The following JAZF1 variants were observed in gnomAD, a reference collection of about 807,000 sequenced individuals.
JAZF1 encodes the protein juxtaposed with another zinc finger protein 1.
JAZF1 carries 8 observed loss-of-function variants against 26.4 expected under a neutral mutation model. That is an observed-to-expected ratio of 0.30 (90% CI 0.18 to 0.55). The LOEUF (loss-of-function observed/expected upper bound fraction) is 0.55. Ranked by LOEUF, JAZF1 falls within the 20% of genes least tolerant of loss-of-function variation. JAZF1 has a pLI of 0.94. For missense variants in JAZF1, 199 were observed against 322.0 expected, an observed-to-expected ratio of 0.62 and a Z score of 2.92; for synonymous variants, 126 against 122.3, an observed-to-expected ratio of 1.03 and a Z score of -0.20.
intron 2 of JAZF1, among the ~76,000 whole-genome samples, chr7:27,958,023 G>C (rs1035610999): frequency 6.6e-6 from 1 of 152,292 alleles, no homozygotes; most frequent in Middle Eastern, 3.4e-3. Context: ...GATCAGGAGA[G>C]AGAACTGGAA....
chr7:28,061,564 G>A lies in JAZF1; in HGVS notation c.116-69583C>T, dbSNP rs76148322. On this transcript the variant is annotated intron_variant, in intron 1 of 4. Coordinates refer to ENST00000283928, the MANE Select transcript of JAZF1 (RefSeq NM_175061.4). ...AATAATTTTAATGATGCCTAATGGA[G>A]GGATTCAGCTGTTGCCATCAAGTGT... Among the ~76,000 whole-genome samples, 1,298 of 152,302 alleles carry A rather than the reference G, an allele frequency of 8.5e-3. 16 individuals carry two copies. Among genetic ancestry groups the A allele is most frequent in the African/African-American group, 0.03 (1,242 of 41,564 alleles).
At chr7:27,987,041 A>G (rs917636703) in intron 2 of JAZF1, among the ~76,000 whole-genome samples, 1 of 152,024 alleles carries the variant, frequency 6.6e-6, no homozygotes, top group African/African-American at 2.4e-5. Context: ...TTGGCCTCCC[A>G]AAGTGCTGAG....
At chr7:28,000,142 T>C (rs957386661) in intron 1 of JAZF1, among the ~76,000 whole-genome samples, 4 of 151,944 alleles carry the variant, frequency 2.6e-5, no homozygotes, top group Non-Finnish European at 5.9e-5. Flanking sequence ...AGTTGCAGTA[T>C]TAGTATTAGT....
intron 1 of JAZF1, among the ~76,000 whole-genome samples, chr7:28,047,327 T>C (rs1783512994): frequency 6.6e-6 from 1 of 152,096 alleles, no homozygotes; most frequent in South Asian, 2.1e-4. Context: ...GCTTACTTAT[T>C]CTCCTGTATG....
intron 1 of JAZF1, among the ~76,000 whole-genome samples, chr7:28,155,943 G>A (rs1583589626): frequency 6.6e-6 from 1 of 152,314 alleles, no homozygotes; most frequent in East Asian, 1.9e-4. Flanking sequence ...GTACCTACCT[G>A]ATAAGGTGTC....
intron 3 of JAZF1, among the ~76,000 whole-genome samples, chr7:27,854,481 T>C (rs1783208374): frequency 6.6e-6 from 1 of 152,246 alleles, no homozygotes; most frequent in Admixed American, 6.5e-5. Flanking sequence ...CTTTACAATT[T>C]GGTATTTTTT....
chr7:28,020,417 G>T (rs1290321427), intron 1 of JAZF1: 4 of 368,060 alleles, frequency 1.1e-5, no homozygotes, highest in African/African-American at 2.1e-5. Context: ...GGGTAACACT[G>T]CTGCAGAAGG....
In JAZF1 at chr7:27,832,700, T is replaced by C. The variant is rs1782729221; in HGVS notation, c.*100A>G. On this transcript the variant is annotated 3_prime_UTR_variant, in exon 5 of 5. Coordinates refer to ENST00000283928, the MANE Select transcript of JAZF1 (RefSeq NM_175061.4). ...TTTAAAGCATGCATTTAATTCTTTT[T>C]CTTTAAAGGGTTGCTGAATGCTTCC... The C allele has an allele frequency of 1.0e-6, 1 of 982,496 alleles. No individual in the cohort carries two copies. Among genetic ancestry groups the C allele is most frequent in the Non-Finnish European group, 1.5e-6 (1 of 683,176 alleles). The allele number at this position is 982,496 out of a possible 1,614,324, so 60.9% of individuals were successfully genotyped here.
At chr7:28,109,400 A>G (rs1038899271) in intron 1 of JAZF1, among the ~76,000 whole-genome samples, 1 of 152,228 alleles carries the variant, frequency 6.6e-6, no homozygotes, top group Non-Finnish European at 1.5e-5. Flanking sequence ...TAAAAAAATA[A>G]TAATTTAAAA....
At chr7:28,142,869 C>G (rs1314134852) in intron 1 of JAZF1, among the ~76,000 whole-genome samples, 3 of 152,214 alleles carry the variant, frequency 2.0e-5, no homozygotes, top group Admixed American at 1.3e-4. Context: ...ACAACGTGCA[C>G]AACCACACCA....
intron 2 of JAZF1, among the ~76,000 whole-genome samples, chr7:27,923,467 C>G (rs1382629420): frequency 6.6e-6 from 1 of 152,222 alleles, no homozygotes; most frequent in Non-Finnish European, 1.5e-5. Flanking sequence ...AGACATTATT[C>G]TATCAGGCCT....
chr7:28,118,480 G>C lies in JAZF1; in HGVS notation c.115+61983C>G, dbSNP rs560123772. ...CAGTGGGCCAAGATTGCACCAGGGT[G>C]ACAAAGTGAGACTCTGTCTCAAAAG... On this transcript the variant is annotated intron_variant, in intron 1 of 4. Transcript: ENST00000283928. Among the ~76,000 whole-genome samples, 6 of 152,098 alleles carry C rather than the reference G, an allele frequency of 3.9e-5. No individual in the cohort carries two copies. In the East Asian group the frequency reaches 1.2e-3, roughly 29 times the overall value.
chr7:27,845,037 T>C (rs940184369), intron 3 of JAZF1, among the ~76,000 whole-genome samples: 2 of 152,266 alleles, frequency 1.3e-5, no homozygotes, highest in East Asian at 3.8e-4. Context: ...AATGAAATGA[T>C]GTTCTTGTTC....
At chr7:27,982,802 C>G (rs1785613681) in intron 2 of JAZF1, among the ~76,000 whole-genome samples, 1 of 152,146 alleles carries the variant, frequency 6.6e-6, no homozygotes, top group South Asian at 2.1e-4. Context: ...TGTTCTGCAG[C>G]CTCCGCTGGT....
intron 1 of JAZF1, among the ~76,000 whole-genome samples, chr7:28,177,025 T>A (rs1038181350): frequency 5.3e-5 from 8 of 152,136 alleles, no homozygotes; most frequent in Non-Finnish European, 8.8e-5. Context: ...TTTTCCCATC[T>A]CCATGTAACA....
At chr7:27,897,792 AAC>A (rs546167564) in intron 2 of JAZF1, among the ~76,000 whole-genome samples, 228 of 152,274 alleles carry the variant, frequency 1.5e-3, no homozygotes, top group Non-Finnish European at 2.7e-3. Flanking sequence ...TCTGCACCTG[AAC>A]AGACTCCCAC....
chr7:28,065,086 C>G (rs1468220178), intron 1 of JAZF1, among the ~76,000 whole-genome samples: 3 of 152,104 alleles, frequency 2.0e-5, no homozygotes, highest in Non-Finnish European at 4.4e-5. Flanking sequence ...TCCTGGCAGA[C>G]AATAACCTAC....
chr7:27,865,873 CG>C (rs1315295986), intron 3 of JAZF1, among the ~76,000 whole-genome samples: 2 of 152,272 alleles, frequency 1.3e-5, no homozygotes, highest in East Asian at 3.9e-4. Context: ...CTTTAGGACA[CG>C]GGGCACATTC....
intron 2 of JAZF1, among the ~76,000 whole-genome samples, chr7:27,919,154 T>C (rs2040668): frequency 6.6e-5 from 10 of 152,228 alleles, no homozygotes; most frequent in African/African-American, 2.4e-4. Flanking sequence ...GGGTAGACTA[T>C]CTTGTTAGCA....
Sources: allele counts gnomAD v4.1 joint callset (sites outside exome capture counted in the v4.1 genomes callset), GRCh38; gene constraint gnomAD v4.1.1; transcripts MANE v1.5; gene names NCBI Gene and HGNC (gene_info 2026-07-23, HGNC 2026-07-21).